KNTC1: variants seen among roughly 807,000 people sequenced by gnomAD.
KNTC1 encodes the protein kinetochore-associated protein 1.
KNTC1 carries 253 observed loss-of-function variants against 314.4 expected under a neutral mutation model. The ratio of observed to expected loss-of-function variants is 0.80; its 90% CI spans 0.73 to 0.89. KNTC1 has a LOEUF of 0.89. Ranked by LOEUF, KNTC1 falls within the 40% of genes least tolerant of loss-of-function variation. The probability of loss-of-function intolerance (pLI) is 0.00; values close to 1 mark genes in which losing one functional copy is unlikely to be tolerated. For synonymous variants in KNTC1, 901 were observed against 901.4 expected (o/e 1.00, Z 0.01); for missense variants, 2,475 against 2,572.9 (o/e 0.96, Z 0.82).
At chr12:122,604,134 T>C (rs1474681369) in intron 48 of KNTC1, among the ~76,000 whole-genome samples, 7 of 149,434 alleles carry the variant, frequency 4.7e-5, no homozygotes, top group Non-Finnish European at 1.0e-4. Flanking sequence ...ATTTAGAGAA[T>C]AGGAATGGAA....
At position 122,551,653 on chromosome 12, in the gene KNTC1, C is replaced by A. The variant is rs769585652; in HGVS notation, c.1229C>A (p.Ala410Asp). ...LSRLLHKHRF[A>D]EAESFAIQFG... ...CGGTTACTTCACAAACACAGATTTG[C>A]TGAAGCTGAGAGTTTTGCCATTCAG... is the stretch of plus-strand genomic sequence containing the variant. The change falls in exon 16 of 64, where the codon GCT becomes GAT. Residue 410 changes from alanine (A) to aspartate (D), a missense_variant. Ala to Asp is a moderately radical substitution (Grantham distance 126). Coordinates refer to ENST00000333479, the MANE Select transcript of KNTC1 (RefSeq NM_014708.6). 3 of 1,613,734 alleles carry A rather than the reference C, an allele frequency of 1.9e-6. No individual in the cohort carries two copies. The highest frequency in any genetic ancestry group is 2.5e-6 in the Non-Finnish European group (3 of 1,179,770).
intron 43 of KNTC1, among the ~76,000 whole-genome samples, chr12:122,595,119 A>G (rs1280093125): frequency 6.6e-6 from 1 of 152,108 alleles, no homozygotes; most frequent in Non-Finnish European, 1.5e-5. Context: ...CAAGTGATTC[A>G]CCCGCCTCGG....
rs1028004658 is a variant in KNTC1, at chr12:122,541,952, T to A, written c.446-98T>A. ...GAGAATTGCACCCTAGAGGCGGAGG[T>A]TGCAGGGAGCCGAGATCGCGCTGCT... is the stretch of plus-strand genomic sequence containing the variant. On this transcript the variant is annotated intron_variant, in intron 5 of 63. Transcript: ENST00000333479. 33 of 1,207,446 alleles carry A rather than the reference T, an allele frequency of 2.7e-5. No individual in the cohort carries two copies. The Admixed American group carries it at 1.0e-3, about 37-fold the overall frequency. The allele number at this position is 1,207,446 out of a possible 1,614,324, so 74.8% of individuals were successfully genotyped here.
intron 41 of KNTC1, 41 bp from the exon 42 acceptor site, chr12:122,591,293 CATT>C (rs1565994240): frequency 1.0e-6 from 1 of 965,422 alleles, no homozygotes; most frequent in South Asian, 1.3e-5. Context: ...TATAAGAATA[CATT>C]CTACTTACGA....
At chr12:122,529,542 A>G (rs1388927228) in intron 1 of KNTC1, among the ~76,000 whole-genome samples, 2 of 152,196 alleles carry the variant, frequency 1.3e-5, no homozygotes, top group African/African-American at 2.4e-5. Context: ...TAATAATACT[A>G]TGATAGCATC....
chr12:122,571,117 G>A lies in KNTC1; in HGVS notation c.2010G>A (p.Trp670Ter), dbSNP rs1458857800. 1.2e-6 allele frequency: 2 copies of A among 1,611,684 alleles called. No homozygotes were observed. The highest frequency in any genetic ancestry group is 1.7e-6 in the Non-Finnish European group (2 of 1,177,972). ...DELGLASSWH[W>*]ISLKDYQNTE... ...TGGGATTGGCATCTTCCTGGCATTG[G>A]ATTTCCTTGGTATGATGTGAGAATG... The change falls in exon 24 of 64, where the codon TGG becomes TGA. Residue 670 changes from tryptophan (W) to a stop codon, truncating the protein, a stop_gained. Transcript: ENST00000333479. LOFTEE classifies it high-confidence loss of function.
chr12:122,577,853 A>C, intron 31 of KNTC1, 62 bp downstream of exon 31: 1 of 1,453,054 alleles, frequency 6.9e-7, no homozygotes, highest in Non-Finnish European at 9.4e-7. Flanking sequence ...AATCAATAGG[A>C]TAGAAAAGAT....
At chr12:122,532,761 TA>T (rs1961468266) in intron 2 of KNTC1, among the ~76,000 whole-genome samples, 1 of 152,180 alleles carries the variant, frequency 6.6e-6, no homozygotes, top group African/African-American at 2.4e-5. Context: ...GATCTTACCT[TA>T]AAGTTAGGCA....
At chr12:122,624,096 T>C (rs1226124477) in intron 62 of KNTC1, among the ~76,000 whole-genome samples, 1 of 152,042 alleles carries the variant, frequency 6.6e-6, no homozygotes, top group Non-Finnish European at 1.5e-5. Context: ...GAACAATGTG[T>C]AACATGTCTC....
At chr12:122,537,227 G>A (rs1420365610) in intron 3 of KNTC1, among the ~76,000 whole-genome samples, 1 of 151,986 alleles carries the variant, frequency 6.6e-6, no homozygotes, top group Non-Finnish European at 1.5e-5. Flanking sequence ...CTGAATGCTC[G>A]GAATGCTCTT....
At chr12:122,545,319 G>C (rs897102995) in intron 8 of KNTC1, among the ~76,000 whole-genome samples, 1 of 152,048 alleles carries the variant, frequency 6.6e-6, no homozygotes, top group East Asian at 1.9e-4. Context: ...GAAGAATTGC[G>C]TGAGCCCAGG....
chr12:122,549,315 C>G (rs1026779924), intron 12 of KNTC1, among the ~76,000 whole-genome samples: 1 of 152,046 alleles, frequency 6.6e-6, no homozygotes, highest in Non-Finnish European at 1.5e-5. Context: ...CCTCGGCCTC[C>G]CAAAGTGCTC....
Position 122,546,655 on chromosome 12 carries a change from T to C in KNTC1, c.797T>C (p.Leu266Pro). Reference sequence around the variant, plus strand: ...AAGTTCCAGCTGATAGACAATCTACTTTTTGTTCTTGATACTGATGTATGT... The same window carrying C: ...AAGTTCCAGCTGATAGACAATCTACCTTTTGTTCTTGATACTGATGTATGT... ...AKKFQLIDNL[L>P]FVLDTDNVLS... The change falls in exon 10 of 64, where the codon CTT (leucine) becomes CCT (proline). Residue 266 changes from leucine to proline, a missense_variant. Transcript: ENST00000333479. The C allele has an allele frequency of 6.3e-7, 1 of 1,584,124 alleles. No individual in the cohort carries two copies. Among genetic ancestry groups the C allele is most frequent in the Non-Finnish European group, 8.6e-7 (1 of 1,160,162 alleles).
intron 3 of KNTC1, 50 bp downstream of exon 3, chr12:122,534,834 T>G: frequency 6.4e-7 from 1 of 1,567,774 alleles, no homozygotes; most frequent in Non-Finnish European, 8.8e-7. Context: ...GTCAAATACA[T>G]CTGCTGCCAA....
intron 53 of KNTC1, among the ~76,000 whole-genome samples, chr12:122,612,059 G>GTT (rs200553416): frequency 2.7e-5 from 4 of 148,504 alleles, no homozygotes; most frequent in African/African-American, 7.5e-5. Context: ...GAACATTCTG[G>GTT]TTTTTTTTTG....
intron 16 of KNTC1, 81 bp downstream of exon 16, chr12:122,551,777 A>G (rs1963215676): frequency 9.9e-7 from 1 of 1,006,550 alleles, no homozygotes; most frequent in African/African-American, 1.6e-5. Flanking sequence ...CATGTAATAT[A>G]TAATTGGAAT....
chr12:122,601,067 G>A (rs1871815750), intron 44 of KNTC1, among the ~76,000 whole-genome samples: 2 of 151,992 alleles, frequency 1.3e-5, no homozygotes. Context: ...GAAAATTGTA[G>A]CTCTTTATTT....
At chr12:122,620,377 T>G (rs1172110129) in intron 59 of KNTC1, 102 bp from the exon 60 acceptor site, 2 of 1,070,678 alleles carry the variant, frequency 1.9e-6, no homozygotes, top group Non-Finnish European at 2.7e-6. Flanking sequence ...TGTTTAAAAT[T>G]ATTGAAAACT....
chr12:122,567,377 A>T (rs1378026895), intron 20 of KNTC1, among the ~76,000 whole-genome samples: 3 of 152,052 alleles, frequency 2.0e-5, no homozygotes, highest in South Asian at 2.1e-4. Flanking sequence ...GCTGATTTTT[A>T]AAAATGTTTA....
Sources: allele counts gnomAD v4.1 joint callset (sites outside exome capture counted in the v4.1 genomes callset), GRCh38; gene constraint gnomAD v4.1.1; transcripts MANE v1.5; gene names NCBI Gene and HGNC (gene_info 2026-07-23, HGNC 2026-07-21).